The following RGS20 variants were observed in gnomAD, a reference collection of about 807,000 sequenced individuals.
The protein encoded by RGS20 is regulator of G protein signaling 20.
Under a neutral mutation model 33.6 loss-of-function variants are expected in RGS20, and 30 were observed. The ratio of observed to expected loss-of-function variants is 0.89; its 90% CI spans 0.67 to 1.21. The LOEUF (loss-of-function observed/expected upper bound fraction) is 1.21, where lower values mean the gene tolerates loss of function less well. Ranked by LOEUF, RGS20 falls within the 50% of genes most tolerant of loss-of-function variation. The probability of loss-of-function intolerance (pLI) is 0.00; values close to 1 mark genes in which losing one functional copy is unlikely to be tolerated. For synonymous variants in RGS20, 208 were observed against 197.9 expected (o/e 1.05, Z -0.43); for missense variants, 472 against 502.4 (o/e 0.94, Z 0.58).
chr8:53,940,954 A>T (rs536975774), intron 3 of RGS20, among the ~76,000 whole-genome samples: 5 of 152,206 alleles, frequency 3.3e-5, no homozygotes, highest in African/African-American at 4.8e-5. Context: ...CTCTGCCAGT[A>T]GGTCTCAGTG....
chr8:53,914,417 C>A (rs1322478025), intron 2 of RGS20, among the ~76,000 whole-genome samples: 1 of 152,140 alleles, frequency 6.6e-6, no homozygotes, highest in Non-Finnish European at 1.5e-5. Flanking sequence ...TATTTTTGAT[C>A]TTATCCCTTA....
chr8:53,881,714 C>G (rs886532100), intron 2 of RGS20, among the ~76,000 whole-genome samples: 10 of 152,304 alleles, frequency 6.6e-5, no homozygotes, highest in African/African-American at 1.9e-4. Flanking sequence ...TGTTCACGCT[C>G]TTGAAAACCG....
intron 4 of RGS20, among the ~76,000 whole-genome samples, chr8:53,947,842 TAG>T (rs1478339472): frequency 1.4e-4 from 19 of 138,108 alleles, no homozygotes; most frequent in Non-Finnish European, 2.7e-4. Flanking sequence ...ATGCTATATA[TAG>T]GATATAGTAT....
chr8:53,871,112 CAAAAAAAAA>C (rs370091533), intron 1 of RGS20, among the ~76,000 whole-genome samples: 4 of 21,470 alleles, frequency 1.9e-4, no homozygotes, highest in South Asian at 2.3e-3. Flanking sequence ...CTCCATCTCA[CAAAAAAAAA>C]AAAAAAAAAA....
chr8:53,947,339 GAT>G (rs1282459731), intron 4 of RGS20, among the ~76,000 whole-genome samples: 1 of 134,714 alleles, frequency 7.4e-6, no homozygotes, highest in African/African-American at 2.8e-5. Context: ...CTATATATAA[GAT>G]AGTATATATA....
At chr8:53,902,031 T>TC (rs1329415077) in intron 2 of RGS20, among the ~76,000 whole-genome samples, 2 of 152,166 alleles carry the variant, frequency 1.3e-5, no homozygotes, top group African/African-American at 4.8e-5. Context: ...TATTTTTTTT[T>TC]CTTTGAGTCA....
chr8:53,957,325 G>C (rs1299389229), intron 5 of RGS20, among the ~76,000 whole-genome samples: 1 of 152,184 alleles, frequency 6.6e-6, no homozygotes. Flanking sequence ...ATGGGGTTTT[G>C]CCATGTTGGC....
intron 2 of RGS20, among the ~76,000 whole-genome samples, chr8:53,936,192 A>T (rs1814125889): frequency 6.6e-6 from 1 of 152,206 alleles, no homozygotes; most frequent in Non-Finnish European, 1.5e-5. Flanking sequence ...CTGGCACAAG[A>T]CAAGAATGCC....
intron 2 of RGS20, among the ~76,000 whole-genome samples, chr8:53,895,120 G>T (rs1016436938): frequency 2.0e-5 from 3 of 152,142 alleles, no homozygotes; most frequent in African/African-American, 4.8e-5. Flanking sequence ...TGCAGTGCAG[G>T]CCTGGCGTGA....
Position 53,940,886 on chromosome 8 carries a change from C to A in RGS20, c.659+1162C>A, listed in dbSNP as rs543995190. On this transcript the variant is annotated intron_variant, in intron 3 of 5. Transcript: ENST00000297313. ...GAAACACGTGGGTGTCCAGGGCCTG[C>A]CCTAAAGGAGGAAGACACCAGTGAT... is the stretch of plus-strand genomic sequence containing the variant. Among the ~76,000 whole-genome samples, 11 of 152,204 alleles carry A rather than the reference C, an allele frequency of 7.2e-5. No individual in the cohort carries two copies. The South Asian group carries it at 2.3e-3, about 32-fold the overall frequency.
intron 2 of RGS20, among the ~76,000 whole-genome samples, chr8:53,923,067 C>A (rs1225432155): frequency 6.6e-6 from 1 of 152,080 alleles, no homozygotes; most frequent in Non-Finnish European, 1.5e-5. Flanking sequence ...AGAAACTTTT[C>A]TCTTATATGT....
chr8:53,945,070 A>G (rs1252529991), intron 3 of RGS20, among the ~76,000 whole-genome samples: 1 of 152,220 alleles, frequency 6.6e-6, no homozygotes, highest in East Asian at 1.9e-4. Flanking sequence ...TTAAAACTCA[A>G]GTTACCATAT....
intron 2 of RGS20, among the ~76,000 whole-genome samples, chr8:53,904,146 C>G (rs1424251743): frequency 6.8e-6 from 1 of 147,550 alleles, no homozygotes; most frequent in African/African-American, 2.5e-5. Context: ...TTTTTTTAAC[C>G]AAGTCTCACT....
chr8:53,905,999 T>A (rs1273466247), intron 2 of RGS20, among the ~76,000 whole-genome samples: 2 of 152,142 alleles, frequency 1.3e-5, no homozygotes, highest in Non-Finnish European at 2.9e-5. Flanking sequence ...GACTTCCAGT[T>A]CTGTCTGAAG....
intron 3 of RGS20, among the ~76,000 whole-genome samples, chr8:53,946,369 T>C (rs949555069): frequency 3.3e-5 from 5 of 152,206 alleles, no homozygotes; most frequent in Admixed American, 2.6e-4. Flanking sequence ...AACCCTTTTT[T>C]ACTATTTTCT....
intron 1 of RGS20, among the ~76,000 whole-genome samples, chr8:53,878,117 A>AT (rs887318912): frequency 7.9e-5 from 12 of 151,498 alleles, no homozygotes; most frequent in Non-Finnish European, 1.2e-4. Context: ...CTCCACCTTC[A>AT]TTTTTTTTGG....
At chr8:53,884,728 GA>G (rs1179872158) in intron 2 of RGS20, among the ~76,000 whole-genome samples, 1 of 152,174 alleles carries the variant, frequency 6.6e-6, no homozygotes, top group East Asian at 1.9e-4. Flanking sequence ...TTAACAGATA[GA>G]AAGTATAAAT....
chr8:53,879,866 G>C, intron 2 of RGS20: 1 of 401,696 alleles, frequency 2.5e-6, no homozygotes, highest in Non-Finnish European at 4.4e-6. Flanking sequence ...AAACGGGAGG[G>C]AGCCCTCGCT....
chr8:53,906,096 G>C (rs951075935), intron 2 of RGS20, among the ~76,000 whole-genome samples: 12 of 152,126 alleles, frequency 7.9e-5, no homozygotes, highest in East Asian at 3.9e-4. Flanking sequence ...TTAAGACCAA[G>C]TATTTAAGAC....
Sources: allele counts gnomAD v4.1 joint callset (sites outside exome capture counted in the v4.1 genomes callset), GRCh38; gene constraint gnomAD v4.1.1; transcripts MANE v1.5; gene names NCBI Gene and HGNC (gene_info 2026-07-23, HGNC 2026-07-21).